The following MPND variants were observed in gnomAD, a reference collection of about 807,000 sequenced individuals.
MPND encodes the protein MPN domain containing, also known as MPN domain-containing protein.
Under a neutral mutation model 59.2 loss-of-function variants are expected in MPND, and 56 were observed. That is an observed-to-expected ratio of 0.95 (90% CI 0.76 to 1.18). MPND has a LOEUF of 1.18. Ranked by LOEUF, MPND falls within the 50% of genes most tolerant of loss-of-function variation. The pLI, the probability that MPND is intolerant of heterozygous loss-of-function variation, is 0.00. For synonymous variants in MPND, 323 were observed against 291.9 expected (o/e 1.11, Z -1.09); for missense variants, 671 against 676.0 (o/e 0.99, Z 0.08).
chr19:4,359,042 G>C, intron 11 of MPND, 121 bp from the exon 12 acceptor site: 1 of 663,414 alleles, frequency 1.5e-6, no homozygotes, highest in South Asian at 1.7e-5. Flanking sequence ...ATCTCTTTGT[G>C]GTTGGTTTGT....
chr19:4,351,575 C>G (rs67782188), intron 3 of MPND, among the ~76,000 whole-genome samples: 65,076 of 151,850 alleles, frequency 0.43, 14,188 homozygotes, highest in Middle Eastern at 0.46. Flanking sequence ...TAAGAATAGA[C>G]TTGGCGGCCG....
chr19:4,353,172 G>A, intron 4 of MPND, 143 bp downstream of exon 4: 1 of 580,948 alleles, frequency 1.7e-6, no homozygotes, highest in Non-Finnish European at 2.6e-6. Context: ...TAAGTCTGGA[G>A]CCGGACGAGG....
intron 8 of MPND, among the ~76,000 whole-genome samples, chr19:4,355,853 C>T (rs1305427867): frequency 1.8e-4 from 21 of 116,530 alleles, no homozygotes; most frequent in East Asian, 1.2e-3. Context: ...CCACTGCGCC[C>T]GGCCTTTTTT....
Position 4,357,542 on chromosome 19 carries a change from C to G in MPND, c.1193C>G (p.Pro398Arg). ...CSPYYSGNPG[P>R]ESKISPFWVM... The stretch of plus-strand genomic sequence containing the variant: ...CCTTACTATTCTGGCAACCCAGGCC[C>G]CGAGTCCAAGATCTCACCTTTCTGG... The change falls in exon 10 of 13, where the codon CCC becomes CGC. Residue 398 changes from proline (P) to arginine (R), a missense_variant. Transcript: ENST00000599840. 1 of 1,613,760 alleles carries G rather than the reference C, an allele frequency of 6.2e-7. No individual in the cohort carries two copies. Among genetic ancestry groups the G allele is most frequent in the Non-Finnish European group, 8.5e-7 (1 of 1,179,876 alleles).
rs1972552273 is a variant in MPND at position 4,360,028 on chromosome 19, G to C, written c.*26G>C. 1.3e-6 allele frequency: 2 copies of C among 1,544,022 alleles called. No homozygotes were observed. Among genetic ancestry groups the C allele is most frequent in the Non-Finnish European group, 1.8e-6 (2 of 1,140,514 alleles). On this transcript the variant is annotated 3_prime_UTR_variant, in exon 13 of 13. Coordinates refer to ENST00000599840, the MANE Select transcript of MPND (RefSeq NM_001300862.2). ...GCCTTCCAGGGCAGGGTGGGCTCCA[G>C]TTGTCTTGAGGGTCCGGATGGGCTC...
Position 4,353,026 on chromosome 19 carries a change from C to T in MPND, c.661C>T (p.Pro221Ser). ...LGKSPSEPAH[P>S]EATTPGKRVD... ...GAAGAGCCCTTCAGAGCCTGCCCAC[C>T]CGGGTGAGAGGCGTGGGGAGGGGAG... The change falls in exon 4 of 13, where the codon CCG becomes TCG. Residue 221 changes from proline to serine, a missense_variant. Physicochemically the swap from Pro to Ser is moderately conservative, Grantham distance 74. Transcript: ENST00000599840. 1 of 1,340,808 alleles carries T rather than the reference C, an allele frequency of 7.5e-7. No homozygotes were observed. The allele number at this position is 1,340,808 out of a possible 1,614,324, so 83.1% of individuals were successfully genotyped here.
chr19:4,354,202 C>A, intron 5 of MPND, 73 bp downstream of exon 5: 2 of 1,538,340 alleles, frequency 1.3e-6, no homozygotes, highest in South Asian at 1.2e-5. Flanking sequence ...GTAGCAAGGG[C>A]AGGGGTGGGG....
intron 2 of MPND, among the ~76,000 whole-genome samples, chr19:4,345,116 C>T (rs994911742): frequency 7.3e-6 from 1 of 137,848 alleles, no homozygotes; most frequent in Admixed American, 8.1e-5. Flanking sequence ...AGCATGATCT[C>T]GGCTCACTGC....
intron 12 of MPND, 46 bp downstream of exon 12, chr19:4,359,301 G>C (rs1318968371): frequency 1.4e-6 from 2 of 1,422,564 alleles, no homozygotes; most frequent in Admixed American, 1.7e-5. Flanking sequence ...CCCCAGGAGA[G>C]GCCCCCTGGG....
chr19:4,347,972 A>T (rs970331798), intron 3 of MPND: 3 of 155,570 alleles, frequency 1.9e-5, no homozygotes, highest in African/African-American at 7.3e-5. Context: ...GCTCATTGCA[A>T]CCTCTGCCTC....
At chr19:4,357,209 C>T (rs780759219) in intron 8 of MPND, 44 bp from the exon 9 acceptor site, 5 of 1,533,708 alleles carry the variant, frequency 3.3e-6, no homozygotes, top group Non-Finnish European at 4.4e-6. Flanking sequence ...CTCACTAGAG[C>T]CGTTCAGGCC....
chr19:4,346,047 G>C (rs571158578), intron 3 of MPND, 66 bp downstream of exon 3: 1 of 1,366,486 alleles, frequency 7.3e-7, no homozygotes, highest in South Asian at 1.2e-5. Context: ...GCCCAGCCTG[G>C]CACAGCTCTC....
chr19:4,358,131 G>A lies in MPND; in HGVS notation c.1285G>A (p.Val429Ile), dbSNP rs199788497. ...GIPMDVEMAY[V>I]QDSFLTNDIL... is the part of the protein sequence containing the mutation. ...CCCCATGGATGTGGAGATGGCCTAC[G>A]TCCAGGACAGCTTCCTGACCAATGA... The change falls in exon 11 of 13, where the codon GTC becomes ATC. Residue 429 changes from valine (V) to isoleucine (I), a missense_variant. By Grantham distance (29) the Val-to-Ile change is conservative. Coordinates refer to ENST00000599840, the MANE Select transcript of MPND (RefSeq NM_001300862.2). The A allele has an allele frequency of 2.6e-5, 40 of 1,551,500 alleles. No homozygotes were observed. Among genetic ancestry groups the A allele is most frequent in the Admixed American group, 2.0e-4 (10 of 51,008 alleles).
At position 4,352,072 on chromosome 19, in the gene MPND, C is replaced by T. The variant is rs554018290; in HGVS notation, c.532-825C>T. Among the ~76,000 whole-genome samples the T allele has an allele frequency of 2.0e-5, 3 of 151,682 alleles. No homozygotes were observed. In the South Asian group the frequency reaches 6.2e-4, roughly 32 times the overall value. ...ACTGTACTCCCAGCTACTCAGGAGG[C>T]TGAGGCAAGAGAATGGCTTGAACCC... On this transcript the variant is annotated intron_variant, in intron 3 of 12. Coordinates refer to ENST00000599840, the MANE Select transcript of MPND (RefSeq NM_001300862.2).
chr19:4,354,212 G>A (rs943352016), intron 5 of MPND, 83 bp downstream of exon 5: 2 of 1,525,198 alleles, frequency 1.3e-6, no homozygotes, highest in Non-Finnish European at 1.8e-6. Flanking sequence ...CAGGGGTGGG[G>A]GGTGGGACAG....
chr19:4,350,292 G>A (rs887523942), intron 3 of MPND, among the ~76,000 whole-genome samples: 1 of 152,178 alleles, frequency 6.6e-6, no homozygotes, highest in Non-Finnish European at 1.5e-5. Flanking sequence ...ATGGGAAGGG[G>A]ACAGGGCAGG....
chr19:4,355,615 G>A (rs1364313308), intron 8 of MPND, among the ~76,000 whole-genome samples: 1 of 152,084 alleles, frequency 6.6e-6, no homozygotes, highest in African/African-American at 2.4e-5. Context: ...GATTACAGGC[G>A]TGAGCCACCG....
chr19:4,357,747 G>A, intron 10 of MPND, 162 bp downstream of exon 10: 1 of 721,884 alleles, frequency 1.4e-6, no homozygotes, highest in Non-Finnish European at 2.3e-6. Flanking sequence ...CCATATTTTG[G>A]TGAGGTCCTG....
chr19:4,360,002 A>C lies in MPND; in HGVS notation c.1506A>C (p.Ter502CysextTer19), dbSNP rs373805742. 2.2e-5 allele frequency: 35 copies of C among 1,559,464 alleles called. No homozygotes were observed. The African/African-American group carries it at 4.4e-4, about 19-fold the overall frequency. The change falls in exon 13 of 13, where the codon TGA (stop) becomes TGC (cysteine). Residue 502 changes from the stop codon to cysteine, a stop_lost. Coordinates refer to ENST00000599840, the MANE Select transcript of MPND (RefSeq NM_001300862.2). ...GCGGCGTCCTCAAGCAGGGGAGCTGAGCCTTCCAGGGCAGGGTGGGCTCCA... is the reference window on the plus strand; with the variant it reads ...GCGGCGTCCTCAAGCAGGGGAGCTGCGCCTTCCAGGGCAGGGTGGGCTCCA... The part of the protein sequence containing the change: ...QVCGVLKQGS[*>C]
Sources: gnomAD v4.1 joint callset for allele counts (sites outside exome capture counted in the v4.1 genomes callset) on GRCh38, gnomAD v4.1.1 for gene constraint, MANE v1.5 for transcripts, NCBI Gene and HGNC (gene_info 2026-07-23, HGNC 2026-07-21) for gene names.